The following MAGI2 variants were observed in gnomAD, a reference collection of about 807,000 sequenced individuals.
The protein encoded by MAGI2 is membrane associated guanylate kinase, WW and PDZ domain containing 2.
MAGI2 carries 35 observed loss-of-function variants against 133.3 expected under a neutral mutation model. The observed-to-expected ratio is 0.26, with a 90% CI of 0.20 to 0.35. The LOEUF is 0.35. Among genes scored for constraint, MAGI2 ranks in the 10% least tolerant of loss-of-function variants. The pLI, the probability that MAGI2 is intolerant of heterozygous loss-of-function variation, is 1.00. For synonymous variants in MAGI2, 729 were observed against 710.6 expected (o/e 1.03, Z -0.41); for missense variants, 1,636 against 1,863.4 (o/e 0.88, Z 2.25).
At chr7:78,648,712 T>C (rs1421352217) in intron 2 of MAGI2, among the ~76,000 whole-genome samples, 1 of 152,192 alleles carries the variant, frequency 6.6e-6, no homozygotes, top group Non-Finnish European at 1.5e-5. Context: ...GGACCACTGG[T>C]CTTGGAATAT....
At chr7:78,254,877 T>C (rs1030416106) in intron 10 of MAGI2, 1 of 152,254 alleles carries the variant, frequency 6.6e-6, no homozygotes, top group African/African-American at 2.4e-5. Flanking sequence ...GAAGCTTCGA[T>C]GTTTACACTC....
chr7:78,818,646 T>C (rs1006698604), intron 2 of MAGI2, among the ~76,000 whole-genome samples: 2 of 152,192 alleles, frequency 1.3e-5, no homozygotes, highest in Non-Finnish European at 2.9e-5. Flanking sequence ...TACATCCACA[T>C]TGTTGGTTTA....
At chr7:78,436,753 A>G (rs1800325694) in intron 6 of MAGI2, among the ~76,000 whole-genome samples, 1 of 152,100 alleles carries the variant, frequency 6.6e-6, no homozygotes, top group African/African-American at 2.4e-5. Flanking sequence ...AGCCTAAGAC[A>G]TTCCCCTGAT....
intron 2 of MAGI2, among the ~76,000 whole-genome samples, chr7:78,891,184 G>T (rs1796718767): frequency 6.6e-6 from 1 of 152,150 alleles, no homozygotes; most frequent in Admixed American, 6.5e-5. Context: ...CCAGGAAGAA[G>T]TTGAATTTCT....
intron 1 of MAGI2, among the ~76,000 whole-genome samples, chr7:79,405,497 T>A (rs1042145436): frequency 2.0e-5 from 3 of 152,130 alleles, no homozygotes; most frequent in Non-Finnish European, 4.4e-5. Flanking sequence ...TACTTACTAC[T>A]ATGAGCTTCA....
At chr7:79,113,266 G>C (rs1819091345) in intron 1 of MAGI2, among the ~76,000 whole-genome samples, 1 of 152,164 alleles carries the variant, frequency 6.6e-6, no homozygotes, top group Non-Finnish European at 1.5e-5. Flanking sequence ...CTGCGTGCTA[G>C]AGTCTCCAAC....
At chr7:78,843,885 T>C (rs1472936335) in intron 2 of MAGI2, among the ~76,000 whole-genome samples, 1 of 150,862 alleles carries the variant, frequency 6.6e-6, no homozygotes, top group East Asian at 1.9e-4. Context: ...CTTATTTCTA[T>C]GTAAAAAATG....
intron 3 of MAGI2, among the ~76,000 whole-genome samples, chr7:78,589,554 G>C (rs988849776): frequency 1.3e-5 from 2 of 152,142 alleles, no homozygotes; most frequent in African/African-American, 4.8e-5. Context: ...ATAATTTGTT[G>C]AATCTGCTTT....
chr7:78,654,459 T>C (rs1811916393), intron 2 of MAGI2, among the ~76,000 whole-genome samples: 1 of 151,902 alleles, frequency 6.6e-6, no homozygotes, highest in Admixed American at 6.6e-5. Context: ...TCAAATAGGT[T>C]TGGGGAATGT....
At chr7:78,114,514 C>T (rs931708351) in intron 20 of MAGI2, among the ~76,000 whole-genome samples, 24 of 152,196 alleles carry the variant, frequency 1.6e-4, no homozygotes, top group Admixed American at 8.5e-4. Flanking sequence ...AGGATATGAG[C>T]AAGCTATGAA....
intron 1 of MAGI2, chr7:79,125,615 A>G (rs1244099783): frequency 3.9e-6 from 2 of 513,436 alleles, no homozygotes; most frequent in East Asian, 5.1e-5. Context: ...AGTGAAAGCA[A>G]TTTTGGAGGT....
intron 2 of MAGI2, among the ~76,000 whole-genome samples, chr7:78,633,064 A>G (rs954004791): frequency 2.0e-5 from 3 of 152,250 alleles, no homozygotes; most frequent in African/African-American, 7.2e-5. Flanking sequence ...ATGCAATCGT[A>G]AAATGAACGA....
intron 2 of MAGI2, among the ~76,000 whole-genome samples, chr7:78,857,202 G>A (rs1793726848): frequency 1.3e-5 from 2 of 152,102 alleles, no homozygotes; most frequent in South Asian, 4.1e-4. Flanking sequence ...CTGCAAACAG[G>A]GACAATTTGA....
intron 2 of MAGI2, among the ~76,000 whole-genome samples, chr7:78,668,072 AGTGATTGCCATTCTAACTG>A (rs1446657667): frequency 6.6e-6 from 1 of 152,082 alleles, no homozygotes; most frequent in African/African-American, 2.4e-5. Flanking sequence ...CTGACTTTTT[AGTGATTGCCATTCTAACTG>A]GTGTGAGATG....
At chr7:78,545,229 T>G (rs958501091) in intron 3 of MAGI2, among the ~76,000 whole-genome samples, 2 of 148,426 alleles carry the variant, frequency 1.3e-5, no homozygotes, top group African/African-American at 5.0e-5. Flanking sequence ...TTTTTTTTTT[T>G]TTTTTGAGAC....
chr7:79,044,809 A>G (rs1467413599), intron 1 of MAGI2, among the ~76,000 whole-genome samples: 2 of 152,230 alleles, frequency 1.3e-5, no homozygotes, highest in Non-Finnish European at 2.9e-5. Flanking sequence ...CAAGAATGCA[A>G]TCACAGTCAC....
intron 10 of MAGI2, among the ~76,000 whole-genome samples, chr7:78,232,389 CATA>C (rs1360659124): frequency 1.3e-5 from 2 of 152,106 alleles, no homozygotes; most frequent in South Asian, 2.1e-4. Context: ...AACATAAAAA[CATA>C]ATACTAAATT....
At chr7:79,202,729 G>A (rs973456803) in intron 1 of MAGI2, among the ~76,000 whole-genome samples, 2 of 151,988 alleles carry the variant, frequency 1.3e-5, no homozygotes, top group East Asian at 1.9e-4. Context: ...AATTGGGCTC[G>A]CAATATGGTA....
chr7:79,430,966 C>T (rs193206053), intron 1 of MAGI2, among the ~76,000 whole-genome samples: 16 of 152,242 alleles, frequency 1.1e-4, no homozygotes, highest in African/African-American at 3.6e-4. Context: ...AAATAAAGAC[C>T]GATAAGCTTG....
Sources: gnomAD v4.1 joint callset for allele counts (sites outside exome capture counted in the v4.1 genomes callset) on GRCh38, gnomAD v4.1.1 for gene constraint, MANE v1.5 for transcripts, NCBI Gene and HGNC (gene_info 2026-07-23, HGNC 2026-07-21) for gene names.